Variants in EPS8 observed in about 807,000 individuals in gnomAD.
The protein encoded by EPS8 is EGFR pathway substrate 8, signaling adaptor, also known as epidermal growth factor receptor kinase substrate 8.
A neutral mutation model predicts 103.8 loss-of-function variants in EPS8; 42 were observed. That is an observed-to-expected ratio of 0.40 (90% CI 0.32 to 0.52). The LOEUF is 0.52. EPS8 is among the 20% of genes least tolerant of loss of function. The pLI, the probability that EPS8 is intolerant of heterozygous loss-of-function variation, is 0.40. For synonymous variants in EPS8, 344 were observed against 344.6 expected (o/e 1.00, Z 0.02); for missense variants, 969 against 1,005.1 (o/e 0.96, Z 0.49).
chr12:15,661,718 C>T (rs1024574959), intron 9 of EPS8, among the ~76,000 whole-genome samples: 7 of 152,004 alleles, frequency 4.6e-5, no homozygotes, highest in Admixed American at 3.3e-4. Flanking sequence ...GAATTACAAA[C>T]GATAATAAAA....
intron 1 of EPS8, among the ~76,000 whole-genome samples, chr12:15,746,782 T>C (rs1157663322): frequency 1.3e-5 from 2 of 152,104 alleles, no homozygotes; most frequent in Admixed American, 1.3e-4. Flanking sequence ...AACAAATCTC[T>C]TATCCTGGAA....
rs968987330 is a variant in EPS8 at position 15,742,304 on chromosome 12, G to A, written c.-22+46857C>T. On this transcript the variant is annotated intron_variant, in intron 1 of 20. Transcript: ENST00000281172. ...GAATTGCCACACTGTCTTCCACAAT[G>A]GTTGAACTAGTTTACGGTCCCACCA... Among the ~76,000 whole-genome samples the A allele has an allele frequency of 1.0e-3, 154 of 152,270 alleles. 2 individuals are homozygous for A. Among genetic ancestry groups the A allele is most frequent in the African/African-American group, 3.6e-3 (149 of 41,556 alleles).
Position 15,731,226 on chromosome 12 carries a change from C to T in EPS8, c.-21-48254G>A, listed in dbSNP as rs1480704812. ...TCCTGTAGCCTTGGAAATGTTTATT[C>T]TCTTTTCAAAGTATTTTGAAGACAA... On this transcript the variant is annotated intron_variant, in intron 1 of 20. Coordinates refer to ENST00000281172, the MANE Select transcript of EPS8 (RefSeq NM_004447.6). This position sits in a 1 kb window ranked among gnomAD's most constrained non-coding sequence, Gnocchi z 5.1. Among the ~76,000 whole-genome samples, 3 of 152,088 alleles carry T rather than the reference C, an allele frequency of 2.0e-5. No homozygotes were observed. The highest frequency in any genetic ancestry group is 2.9e-5 in the Non-Finnish European group (2 of 67,978).
At chr12:15,632,094 AG>A (rs1945057029) in intron 17 of EPS8, among the ~76,000 whole-genome samples, 2 of 152,330 alleles carry the variant, frequency 1.3e-5, no homozygotes, top group African/African-American at 4.8e-5. Flanking sequence ...CTATATTCAA[AG>A]ATTTTTAATT....
intron 1 of EPS8, among the ~76,000 whole-genome samples, chr12:15,692,304 A>G (rs1405585625): frequency 1.4e-5 from 2 of 144,960 alleles, no homozygotes; most frequent in Non-Finnish European, 3.0e-5. Flanking sequence ...CAAATTGTAG[A>G]TTGAAAGAGG....
chr12:15,756,041 T>C (rs1051636156), intron 1 of EPS8, among the ~76,000 whole-genome samples: 5 of 152,230 alleles, frequency 3.3e-5, no homozygotes, highest in African/African-American at 1.2e-4. Flanking sequence ...TATAAAGATA[T>C]AACACCATTT....
rs370695092 is a variant in EPS8 at position 15,774,657 on chromosome 12, T to C, written c.-22+14504A>G. ...TATACATACATACATATAAAATATA[T>C]ATACACACATATATATATTTTAAAC... On this transcript the variant is annotated intron_variant, in intron 1 of 20. Transcript: ENST00000281172. Among the ~76,000 whole-genome samples the C allele has an allele frequency of 1.9e-4, 28 of 147,446 alleles. 2 individuals are homozygous for C. Among genetic ancestry groups the C allele is most frequent in the East Asian group, 1.8e-3 (9 of 5,128 alleles).
chr12:15,775,815 T>C (rs1046829005), intron 1 of EPS8, among the ~76,000 whole-genome samples: 1 of 152,180 alleles, frequency 6.6e-6, no homozygotes, highest in Non-Finnish European at 1.5e-5. Context: ...TATTTCTTTA[T>C]TGACAGATAA....
chr12:15,737,190 A>T (rs559341561), intron 1 of EPS8, among the ~76,000 whole-genome samples: 1 of 152,212 alleles, frequency 6.6e-6, no homozygotes, highest in South Asian at 2.1e-4. Context: ...AATATCAATA[A>T]ATTGTAATAC....
At position 15,714,430 on chromosome 12, in the gene EPS8, C is replaced by A. The variant is rs1429010561; in HGVS notation, c.-21-31458G>T. 3.3e-5 allele frequency among the ~76,000 whole-genome samples: 5 copies of A among 152,070 alleles called. No homozygotes were observed. Among genetic ancestry groups the A allele is most frequent in the Non-Finnish European group, 7.4e-5 (5 of 68,004 alleles). On this transcript the variant is annotated intron_variant, in intron 1 of 20. Coordinates refer to ENST00000281172, the MANE Select transcript of EPS8 (RefSeq NM_004447.6). The surrounding 1 kb of genome is among the most constrained non-coding windows in gnomAD (Gnocchi z 4.1). ...CCACGGGTGGGAGGATCCCTTGAGTCCAGGAAGTCAAGAGCAGCCTGGGCA... is the reference window on the plus strand; with the variant it reads ...CCACGGGTGGGAGGATCCCTTGAGTACAGGAAGTCAAGAGCAGCCTGGGCA...
chr12:15,774,389 A>G (rs2136046931), intron 1 of EPS8, among the ~76,000 whole-genome samples: 1 of 144,130 alleles, frequency 6.9e-6, no homozygotes, highest in African/African-American at 2.6e-5. Flanking sequence ...AACAGCTATT[A>G]CTCTTCAGTT....
At chr12:15,758,846 G>A (rs961637684) in intron 1 of EPS8, among the ~76,000 whole-genome samples, 4 of 152,056 alleles carry the variant, frequency 2.6e-5, no homozygotes, top group South Asian at 2.1e-4. Flanking sequence ...TAATGTCTGC[G>A]GCCTACTAAC....
At chr12:15,768,488 C>T (rs7139242) in intron 1 of EPS8, among the ~76,000 whole-genome samples, 10,760 of 146,786 alleles carry the variant, frequency 0.073, 1,273 homozygotes, top group African/African-American at 0.25. Context: ...GAGATAAGTT[C>T]CCCAACAAAT....
intron 1 of EPS8, among the ~76,000 whole-genome samples, chr12:15,774,508 A>C (rs970032063): frequency 3.3e-5 from 5 of 151,278 alleles, no homozygotes; most frequent in African/African-American, 1.2e-4. Flanking sequence ...CCTGTATTCT[A>C]CAATGCTCAA....
chr12:15,666,543 C>T (rs762877189), intron 6 of EPS8, 21 bp from the exon 7 acceptor site: 13 of 1,584,510 alleles, frequency 8.2e-6, no homozygotes, highest in Middle Eastern at 3.3e-4. Context: ...ACACAAGTTA[C>T]CTGAAAGTTT....
At chr12:15,715,394 C>T (rs200298721) in intron 1 of EPS8, among the ~76,000 whole-genome samples, 35 of 127,138 alleles carry the variant, frequency 2.8e-4, no homozygotes, top group African/African-American at 2.4e-4. Context: ...CTTTACTTTT[C>T]TTTTTTTTTT....
chr12:15,785,640 G>C lies in EPS8; in HGVS notation c.-22+3521C>G, dbSNP rs1224946688. 6.6e-6 allele frequency among the ~76,000 whole-genome samples: 1 copy of C among 152,008 alleles called. No homozygotes were observed. The highest frequency in any genetic ancestry group is 1.9e-4 in the East Asian group (1 of 5,196). On this transcript the variant is annotated intron_variant, in intron 1 of 20. Transcript: ENST00000281172. This position sits in a 1 kb window ranked among gnomAD's most constrained non-coding sequence, Gnocchi z 4.9. ...ACCTAGAAGCAATGATACCACAGTAGCAACAAGCACACCTAGCACCCAGAT... is the reference window on the plus strand; with the variant it reads ...ACCTAGAAGCAATGATACCACAGTACCAACAAGCACACCTAGCACCCAGAT...
intron 3 of EPS8, among the ~76,000 whole-genome samples, chr12:15,672,823 T>C (rs890890750): frequency 3.9e-5 from 6 of 152,170 alleles, no homozygotes; most frequent in South Asian, 4.1e-4. Context: ...CTGTCCACGA[T>C]AGATTCAGAG....
chr12:15,702,290 T>C lies in EPS8; in HGVS notation c.-21-19318A>G, dbSNP rs1363607548. On this transcript the variant is annotated intron_variant, in intron 1 of 20. Coordinates refer to ENST00000281172, the MANE Select transcript of EPS8 (RefSeq NM_004447.6). This position sits in a 1 kb window ranked among gnomAD's most constrained non-coding sequence, Gnocchi z 5.1. ...GTGTGATTTTAGGGTTGAGAGAGTATCATCCTATTTCCTTAAAATCTATCG... is the reference window on the plus strand; with the variant it reads ...GTGTGATTTTAGGGTTGAGAGAGTACCATCCTATTTCCTTAAAATCTATCG... 6.6e-6 allele frequency among the ~76,000 whole-genome samples: 1 copy of C among 152,210 alleles called. No homozygotes were observed. The highest frequency in any genetic ancestry group is 1.5e-5 in the Non-Finnish European group (1 of 68,040).
Sources: gnomAD v4.1 joint callset for allele counts (sites outside exome capture counted in the v4.1 genomes callset) on GRCh38, gnomAD v4.1.1 for gene constraint, Gnocchi (gnomAD v3.1) non-coding constraint, MANE v1.5 for transcripts, NCBI Gene and HGNC (gene_info 2026-07-23, HGNC 2026-07-21) for gene names.